The following UTS2 variants were observed in gnomAD, a reference collection of about 807,000 sequenced individuals.
The protein encoded by UTS2 is urotensin 2, also known as urotensin-2.
Under a neutral mutation model 12.6 loss-of-function variants are expected in UTS2, and 10 were observed. That is an observed-to-expected ratio of 0.80 (90% confidence interval 0.49 to 1.35). The LOEUF (loss-of-function observed/expected upper bound fraction) is 1.35. Among genes scored for constraint, UTS2 ranks in the 40% most tolerant of loss-of-function variants. The pLI is 0.00. For missense variants in UTS2, 142 were observed against 143.2 expected, an observed-to-expected ratio of 0.99 and a Z score of 0.04; for synonymous variants, 52 against 50.0, an observed-to-expected ratio of 1.04 and a Z score of -0.17.
At chr1:7,860,793 A>G in the UTS2 span, among the ~76,000 whole-genome samples, 1 of 151,996 alleles carries the variant, frequency 6.6e-6, no homozygotes, top group East Asian at 2.0e-4. Flanking sequence ...CTGTAATCCC[A>G]GAACTTTGGG....
At chr1:7,886,203 G>C in the UTS2 span, among the ~76,000 whole-genome samples, 1 of 152,194 alleles carries the variant, frequency 6.6e-6, no homozygotes, top group Non-Finnish European at 1.5e-5. Context: ...AAAACCCCCG[G>C]CTGTCTCCTG....
At chr1:7,870,330 C>T in the UTS2 span, among the ~76,000 whole-genome samples, 1 of 152,294 alleles carries the variant, frequency 6.6e-6, no homozygotes, top group African/African-American at 2.4e-5. Context: ...ACAAGCCAAG[C>T]TCAAGAGAGG....
intron 3 of UTS2, 65 bp from the exon 4 acceptor site, chr1:7,847,947 T>A: frequency 8.5e-7 from 1 of 1,174,092 alleles, no homozygotes; most frequent in African/African-American, 1.6e-5. Flanking sequence ...GAGTGACGAT[T>A]CCTATAAGAA....
chr1:7,885,044 CCACT>C, the UTS2 span, among the ~76,000 whole-genome samples: 6 of 150,926 alleles, frequency 4.0e-5, no homozygotes, highest in African/African-American at 7.3e-5. Context: ...ATCCATCCAC[CCACT>C]CATTCAGCCA....
chr1:7,901,248 C>T, the UTS2 span, among the ~76,000 whole-genome samples: 1 of 152,082 alleles, frequency 6.6e-6, no homozygotes, highest in African/African-American at 2.4e-5. Context: ...CTGCAGTAAT[C>T]CAGGCCAGAA....
chr1:7,901,637 T>C, the UTS2 span, among the ~76,000 whole-genome samples: 1 of 151,642 alleles, frequency 6.6e-6, no homozygotes, highest in African/African-American at 2.4e-5. Flanking sequence ...TGTGTATATA[T>C]ATATTTATAT....
At chr1:7,883,846 T>A in the UTS2 span, among the ~76,000 whole-genome samples, 1 of 107,562 alleles carries the variant, frequency 9.3e-6, no homozygotes, top group Non-Finnish European at 1.8e-5. Context: ...TAAAATATTC[T>A]TTTTTTTTTT....
At chr1:7,859,379 A>G in the UTS2 span, among the ~76,000 whole-genome samples, 2 of 131,096 alleles carry the variant, frequency 1.5e-5, no homozygotes, top group Admixed American at 7.4e-5. Context: ...AGCTGCAGCA[A>G]TAACCCCTGA....
At chr1:7,884,014 A>G in the UTS2 span, among the ~76,000 whole-genome samples, 1 of 151,928 alleles carries the variant, frequency 6.6e-6, no homozygotes, top group Non-Finnish European at 1.5e-5. Flanking sequence ...GGGTTTCTCC[A>G]TGTTGGTCAA....
chr1:7,866,201 C>G, the UTS2 span, among the ~76,000 whole-genome samples: 2 of 152,112 alleles, frequency 1.3e-5, no homozygotes, highest in Admixed American at 1.3e-4. The surrounding 1 kb of genome is among the most constrained non-coding windows in gnomAD (Gnocchi z 4.5). Context: ...TCGTGTGGCC[C>G]CAGTTGTCTA....
chr1:7,909,706 T>C, the UTS2 span, among the ~76,000 whole-genome samples: 2 of 151,996 alleles, frequency 1.3e-5, no homozygotes, highest in African/African-American at 4.8e-5. Context: ...CTGCAACCTC[T>C]GCCTCCCAGG....
At chr1:7,895,032 G>A in the UTS2 span, among the ~76,000 whole-genome samples, 495 of 151,378 alleles carry the variant, frequency 3.3e-3, 2 homozygotes, top group African/African-American at 0.011. Context: ...CTTCTTCGTC[G>A]GCTTTGTGCA....
chr1:7,909,343 G>A, the UTS2 span, among the ~76,000 whole-genome samples: 2 of 151,938 alleles, frequency 1.3e-5, no homozygotes, highest in South Asian at 2.1e-4. Context: ...TCGGAAGTTC[G>A]AGACCAGCCT....
chr1:7,904,616 GA>G, the UTS2 span, among the ~76,000 whole-genome samples: 2 of 152,126 alleles, frequency 1.3e-5, no homozygotes, highest in African/African-American at 2.4e-5. Flanking sequence ...TTAAGACATG[GA>G]AAAGGGGCTG....
the UTS2 span, among the ~76,000 whole-genome samples, chr1:7,875,217 G>C: frequency 6.6e-6 from 1 of 151,990 alleles, no homozygotes; most frequent in Non-Finnish European, 1.5e-5. Flanking sequence ...TGGGACTACA[G>C]GCGCCCGCCA....
chr1:7,850,654 G>A (rs962475836), intron 2 of UTS2, among the ~76,000 whole-genome samples, 158 bp downstream of exon 2: 1 of 152,166 alleles, frequency 6.6e-6, no homozygotes, highest in Non-Finnish European at 1.5e-5. Flanking sequence ...GGGAAAAGAA[G>A]GTTGCACAGG....
the UTS2 span, among the ~76,000 whole-genome samples, chr1:7,873,253 A>C: frequency 1.3e-5 from 2 of 152,264 alleles, no homozygotes; most frequent in African/African-American, 4.8e-5. Context: ...GTACTTACAC[A>C]ACATCCACTC....
chr1:7,889,896 C>T, the UTS2 span, among the ~76,000 whole-genome samples: 18 of 152,006 alleles, frequency 1.2e-4, no homozygotes, highest in African/African-American at 4.4e-4. Flanking sequence ...GAAACCCCGT[C>T]TCTATTAAAA....
the UTS2 span, among the ~76,000 whole-genome samples, chr1:7,906,196 A>G: frequency 6.6e-6 from 1 of 152,088 alleles, no homozygotes; most frequent in African/African-American, 2.4e-5. Flanking sequence ...GTGAAGAAGC[A>G]TTTCATGATA....
Sources: allele counts gnomAD v4.1 joint callset (sites outside exome capture counted in the v4.1 genomes callset), GRCh38; gene constraint gnomAD v4.1.1; non-coding constraint Gnocchi (gnomAD v3.1); transcripts MANE v1.5; gene names NCBI Gene and HGNC (gene_info 2026-07-23, HGNC 2026-07-21).